PLCZ1: variants seen among roughly 807,000 people sequenced by gnomAD.
The protein encoded by PLCZ1 is 1-phosphatidylinositol 4,5-bisphosphate phosphodiesterase zeta-1.
A neutral mutation model predicts 76.8 loss-of-function variants in PLCZ1; 64 were observed. That is an observed-to-expected ratio of 0.83 (90% CI 0.68 to 1.03). The LOEUF (loss-of-function observed/expected upper bound fraction) is 1.03. Ranked by LOEUF, PLCZ1 falls within the 50% of genes least tolerant of loss-of-function variation. The probability of loss-of-function intolerance (pLI) is 0.00; values close to 1 mark genes in which losing one functional copy is unlikely to be tolerated. For missense variants in PLCZ1, 751 were observed against 713.7 expected, an observed-to-expected ratio of 1.05 and a Z score of -0.60; for synonymous variants, 248 against 230.8, an observed-to-expected ratio of 1.07 and a Z score of -0.68.
At chr12:18,730,169 TGA>T (rs1455074978) in intron 3 of PLCZ1, among the ~76,000 whole-genome samples, 1 of 152,136 alleles carries the variant, frequency 6.6e-6, no homozygotes, top group Admixed American at 6.5e-5. Context: ...TCTAGTGCTC[TGA>T]GAGACTAGAA....
At position 18,688,070 on chromosome 12, in the gene PLCZ1, AG is replaced by A; in HGVS notation, c.1591+18del. 6.2e-7 allele frequency: 1 copy of A among 1,609,206 alleles called. No individual in the cohort carries two copies. ...CAAGAAGTCTAATGGAAATTCAATA[AG>A]GTATATCAGGAGCTCACCATTTTTT... On this transcript the variant is annotated intron_variant, in intron 13 of 14. Coordinates refer to ENST00000266505, the MANE Select transcript of PLCZ1 (RefSeq NM_033123.4).
intron 5 of PLCZ1, among the ~76,000 whole-genome samples, chr12:18,715,329 G>A (rs1256722021): frequency 1.3e-5 from 2 of 151,852 alleles, no homozygotes; most frequent in African/African-American, 4.8e-5. Flanking sequence ...TTAACTTGGA[G>A]GCTTCACCAA....
intron 12 of PLCZ1, among the ~76,000 whole-genome samples, chr12:18,689,526 G>A (rs955277121): frequency 6.6e-6 from 1 of 152,076 alleles, no homozygotes; most frequent in African/African-American, 2.4e-5. Flanking sequence ...TTCCAACGTG[G>A]CCCAGGGAAG....
chr12:18,673,292 T>G, the PLCZ1 span, among the ~76,000 whole-genome samples: 3 of 152,134 alleles, frequency 2.0e-5, no homozygotes, highest in African/African-American at 4.8e-5. Context: ...TAATTTCAAA[T>G]TTCACATTTG....
downstream of PLCZ1, among the ~76,000 whole-genome samples, chr12:18,682,458 A>C (rs1309879240): frequency 6.6e-6 from 1 of 152,050 alleles, no homozygotes. Flanking sequence ...CAGTGGTTCC[A>C]TATTGTTCTA....
intron 9 of PLCZ1, among the ~76,000 whole-genome samples, chr12:18,700,512 C>CAAAAAAAAAAAAAAAAAAAAAAAAAAA (rs11324526): frequency 1.5e-5 from 1 of 67,898 alleles, no homozygotes; most frequent in Non-Finnish European, 2.5e-5. Flanking sequence ...AGCCAACGTA[C>CAAAAAAAAAAAAAAAAAAAAAAAAAAA]AAAAAAAAAA....
chr12:18,732,585 C>T (rs1592294520), intron 3 of PLCZ1, among the ~76,000 whole-genome samples: 1 of 152,130 alleles, frequency 6.6e-6, no homozygotes, highest in Admixed American at 6.5e-5. Context: ...TTATTTGTGC[C>T]GTATAACAGA....
chr12:18,661,304 C>T, the PLCZ1 span, among the ~76,000 whole-genome samples: 37 of 151,686 alleles, frequency 2.4e-4, no homozygotes, highest in East Asian at 1.7e-3. Context: ...AGAAGTTTAA[C>T]GAACTCCAAA....
chr12:18,657,218 C>A, the PLCZ1 span, among the ~76,000 whole-genome samples: 1 of 152,184 alleles, frequency 6.6e-6, no homozygotes, highest in East Asian at 1.9e-4. Flanking sequence ...AGAGTTGGAA[C>A]AAACAATTTA....
chr12:18,713,653 T>C (rs980219486), intron 5 of PLCZ1: 1 of 152,240 alleles, frequency 6.6e-6, no homozygotes, highest in Admixed American at 6.6e-5. Context: ...AAAATCAAGG[T>C]TTATGCAAAG....
downstream of PLCZ1, chr12:18,683,172 T>A (rs1043437539): frequency 2.4e-5 from 32 of 1,345,512 alleles, no homozygotes; most frequent in African/African-American, 3.6e-4. Context: ...AAAGAAAACA[T>A]AAAGACATTC....
At chr12:18,699,708 T>G in intron 10 of PLCZ1, 86 bp downstream of exon 10, 1 of 1,344,790 alleles carries the variant, frequency 7.4e-7, no homozygotes, top group South Asian at 1.2e-5. Flanking sequence ...ATATACATTT[T>G]ATAAATATCA....
At position 18,687,960 on chromosome 12, in the gene PLCZ1, T is replaced by C. The variant is rs186120631; in HGVS notation, c.1591+129A>G. 16 of 1,258,564 alleles carry C rather than the reference T, an allele frequency of 1.3e-5. No individual in the cohort carries two copies. In the African/African-American group the frequency reaches 1.7e-4, roughly 13 times the overall value. The allele number at this position is 1,258,564 out of a possible 1,614,324, so 78.0% of individuals were successfully genotyped here. Reference sequence around the variant, plus strand: ...TTTGTTGCATATAACATTTTGCTAATTTTGGACATAATGGAAAACCCTTGT... The same window carrying C: ...TTTGTTGCATATAACATTTTGCTAACTTTGGACATAATGGAAAACCCTTGT... On this transcript the variant is annotated intron_variant, in intron 13 of 14. Coordinates refer to ENST00000266505, the MANE Select transcript of PLCZ1 (RefSeq NM_033123.4).
At chr12:18,701,478 A>G (rs747302815) in intron 9 of PLCZ1, 23 bp downstream of exon 9, 4 of 1,613,902 alleles carry the variant, frequency 2.5e-6, no homozygotes, top group Non-Finnish European at 3.4e-6. Context: ...CACTTGTAAG[A>G]TTTTCACAAA....
chr12:18,658,225 A>G, the PLCZ1 span, among the ~76,000 whole-genome samples: 1 of 152,158 alleles, frequency 6.6e-6, no homozygotes, highest in Non-Finnish European at 1.5e-5. Context: ...TAACATTTGC[A>G]TATTAGGCAT....
intron 9 of PLCZ1, 128 bp from the exon 10 acceptor site, chr12:18,700,078 C>A (rs911383732): frequency 2.7e-6 from 2 of 753,536 alleles, no homozygotes; most frequent in Middle Eastern, 3.9e-4. Flanking sequence ...TCCTCAAACA[C>A]CATTTGATTA....
intron 9 of PLCZ1, among the ~76,000 whole-genome samples, chr12:18,700,517 A>AAAAAG (rs1426409591): frequency 6.9e-6 from 1 of 145,146 alleles, no homozygotes; most frequent in Non-Finnish European, 1.5e-5. Flanking sequence ...ACGTACAAAA[A>AAAAAG]AAAAAAAAAA....
At chr12:18,711,977 GTAGA>G (rs1396891427) in intron 6 of PLCZ1, among the ~76,000 whole-genome samples, 1 of 151,970 alleles carries the variant, frequency 6.6e-6, no homozygotes, top group Non-Finnish European at 1.5e-5. Flanking sequence ...TTAATATATA[GTAGA>G]TAAATTTATA....
chr12:18,724,691 T>A (rs1200086419), intron 3 of PLCZ1, among the ~76,000 whole-genome samples: 1 of 152,128 alleles, frequency 6.6e-6, no homozygotes, highest in Admixed American at 6.6e-5. Flanking sequence ...CTTACTGTTT[T>A]TAAATTCTGG....
Sources: allele counts gnomAD v4.1 joint callset (sites outside exome capture counted in the v4.1 genomes callset), GRCh38; gene constraint gnomAD v4.1.1; transcripts MANE v1.5; gene names NCBI Gene and HGNC (gene_info 2026-07-23, HGNC 2026-07-21).